Variants in BNC2 observed in about 807,000 individuals in gnomAD.
The protein encoded by BNC2 is zinc finger protein basonuclin-2.
A neutral mutation model predicts 76.3 loss-of-function variants in BNC2; 20 were observed. The observed-to-expected ratio is 0.26, with a 90% CI of 0.18 to 0.38. The LOEUF (loss-of-function observed/expected upper bound fraction) is 0.38, where lower values mean the gene tolerates loss of function less well. Among genes scored for constraint, BNC2 ranks in the 10% least tolerant of loss-of-function variants. The pLI is 1.00. For missense variants in BNC2, 1,382 were observed against 1,399.8 expected, an observed-to-expected ratio of 0.99 and a Z score of 0.20; for synonymous variants, 582 against 514.8, an observed-to-expected ratio of 1.13 and a Z score of -1.77.
At chr9:16,421,807 C>T (rs1799016139) in intron 6 of BNC2, among the ~76,000 whole-genome samples, 1 of 152,190 alleles carries the variant, frequency 6.6e-6, no homozygotes, top group Non-Finnish European at 1.5e-5. Flanking sequence ...ACGCTATGCG[C>T]TATTATTCTA....
intron 1 of BNC2, among the ~76,000 whole-genome samples, chr9:16,869,824 A>C (rs1345485303): frequency 1.3e-5 from 2 of 152,070 alleles, no homozygotes; most frequent in African/African-American, 2.4e-5. Flanking sequence ...CACCACTTGC[A>C]CTTGGAACTT....
chr9:16,546,923 T>TGTATAATTTA (rs1404212025), intron 5 of BNC2, among the ~76,000 whole-genome samples: 1 of 152,210 alleles, frequency 6.6e-6, no homozygotes, highest in African/African-American at 2.4e-5. Flanking sequence ...CTCCTTCCAA[T>TGTATAATTTA]ATTTAATACA....
At chr9:16,612,877 G>C (rs1445445552) in intron 3 of BNC2, among the ~76,000 whole-genome samples, 1 of 152,150 alleles carries the variant, frequency 6.6e-6, no homozygotes, top group Non-Finnish European at 1.5e-5. Context: ...ACCATGTCTT[G>C]TTTTACTTGG....
At chr9:16,636,395 T>C (rs1367224484) in intron 3 of BNC2, among the ~76,000 whole-genome samples, 3 of 152,014 alleles carry the variant, frequency 2.0e-5, no homozygotes, top group Admixed American at 1.3e-4. Context: ...TTCAAACTCC[T>C]GGACTCAAGC....
intron 3 of BNC2, among the ~76,000 whole-genome samples, chr9:16,634,946 T>C (rs1376745684): frequency 1.3e-5 from 2 of 152,202 alleles, no homozygotes; most frequent in South Asian, 2.1e-4. Context: ...TATTCCATTA[T>C]GGACATTGTA....
rs190916623 is a variant in BNC2 at position 16,609,154 on chromosome 9, G to C, written c.331-26069C>G. On this transcript the variant is annotated intron_variant, in intron 3 of 6. Coordinates refer to ENST00000380672, the MANE Select transcript of BNC2 (RefSeq NM_017637.6). The stretch of plus-strand genomic sequence containing the variant: ...AAAGTGCACCCCAGGGGACCTTTCG[G>C]AGCCACTTTTCAAAGGCTCAGAGAG... Among the ~76,000 whole-genome samples the C allele has an allele frequency of 6.1e-4, 93 of 152,222 alleles. 1 individual carries two copies. Among genetic ancestry groups the C allele is most frequent in the Admixed American group, 2.8e-3 (43 of 15,288 alleles).
At chr9:16,790,160 C>A (rs903040361) in intron 1 of BNC2, among the ~76,000 whole-genome samples, 20 of 152,222 alleles carry the variant, frequency 1.3e-4, no homozygotes, top group African/African-American at 4.3e-4. Flanking sequence ...CCATGCCTGG[C>A]TAATTTTTTT....
At chr9:16,769,781 G>T (rs1227734369) in intron 1 of BNC2, among the ~76,000 whole-genome samples, 2 of 152,202 alleles carry the variant, frequency 1.3e-5, no homozygotes, top group Non-Finnish European at 2.9e-5. Context: ...CTGGATAACA[G>T]CAAGCTCTGC....
At chr9:16,775,392 G>A (rs1264927546) in intron 1 of BNC2, among the ~76,000 whole-genome samples, 2 of 49,444 alleles carry the variant, frequency 4.0e-5, no homozygotes, top group Non-Finnish European at 8.2e-5. Flanking sequence ...CACTGATTTC[G>A]TTATTAAAAA....
At chr9:16,751,596 C>A (rs564774347) in intron 1 of BNC2, among the ~76,000 whole-genome samples, 2 of 62,634 alleles carry the variant, frequency 3.2e-5, no homozygotes, top group East Asian at 4.7e-4. Context: ...AGCTGCTGTC[C>A]CCAGCACAAA....
intron 3 of BNC2, among the ~76,000 whole-genome samples, chr9:16,623,278 T>C (rs565260974): frequency 1.3e-5 from 2 of 152,242 alleles, no homozygotes; most frequent in Non-Finnish European, 2.9e-5. Context: ...ACTTAAAAAC[T>C]AGGAGAGAGA....
intron 1 of BNC2, among the ~76,000 whole-genome samples, chr9:16,779,130 A>AAAAAAAAAAAAAG (rs556932807): frequency 1.3e-4 from 11 of 87,614 alleles, no homozygotes; most frequent in Non-Finnish European, 2.0e-4. Flanking sequence ...AAAAAAAAAA[A>AAAAAAAAAAAAAG]AAAAGAAAAG....
chr9:16,853,294 C>CAGCT lies in BNC2; in HGVS notation c.3+17351_3+17352insAGCT, dbSNP rs1246365040. Among the ~76,000 whole-genome samples, 30 of 35,008 alleles carry CAGCT rather than the reference C, an allele frequency of 8.6e-4. No individual in the cohort carries two copies. In the East Asian group the frequency reaches 0.38, roughly 442 times the overall value. 23.0% of individuals were successfully genotyped at this position (35,008 alleles called of 152,430 possible). On this transcript the variant is annotated intron_variant, in intron 1 of 6. Transcript: ENST00000380672. ...CCGTGGTGGCATGCAGCTGTAGGCCCAGTTAGGAGGCTAAGGTGGAGGATC... is the reference window on the plus strand; with the variant it reads ...CCGTGGTGGCATGCAGCTGTAGGCCCAGCTAGTTAGGAGGCTAAGGTGGAGGATC...
chr9:16,435,451 C>A, intron 6 of BNC2, 104 bp downstream of exon 6: 1 of 1,367,236 alleles, frequency 7.3e-7, no homozygotes, highest in Non-Finnish European at 1.0e-6. Flanking sequence ...CTTTACAGTG[C>A]ACCAAAAACA....
intron 5 of BNC2, among the ~76,000 whole-genome samples, chr9:16,487,141 A>G (rs1210763802): frequency 1.3e-5 from 2 of 152,376 alleles, no homozygotes; most frequent in East Asian, 3.9e-4. Context: ...AAGGCAAGAC[A>G]GTAAGCCTGG....
intron 1 of BNC2, among the ~76,000 whole-genome samples, chr9:16,830,682 C>T (rs1224517016): frequency 5.3e-5 from 8 of 152,272 alleles, no homozygotes; most frequent in Admixed American, 2.0e-4. Flanking sequence ...TATCTAAGTA[C>T]ATTTTTCTCC....
At position 16,414,488 on chromosome 9, in the gene BNC2, G is replaced by C. The variant is rs1181006898; in HGVS notation, c.*4501C>G. 6.6e-6 allele frequency: 1 copy of C among 152,152 alleles called. No homozygotes were observed. Among genetic ancestry groups the C allele is most frequent in the Non-Finnish European group, 1.5e-5 (1 of 68,026 alleles). The allele number at this position is 152,152 out of a possible 1,614,324, so 9.4% of individuals were successfully genotyped here. A position where few individuals can be genotyped will look rare whatever the true frequency, so the allele number is the denominator to read the frequency against. On this transcript the variant is annotated 3_prime_UTR_variant, in exon 7 of 7. Coordinates refer to ENST00000380672, the MANE Select transcript of BNC2 (RefSeq NM_017637.6). ...ACTTCAAGTTTGGGAGAAGATAAGTGATTTTAAAGAATGAAATTCGTTTGT... is the reference window on the plus strand; with the variant it reads ...ACTTCAAGTTTGGGAGAAGATAAGTCATTTTAAAGAATGAAATTCGTTTGT...
chr9:16,496,509 T>C (rs148470516), intron 5 of BNC2, among the ~76,000 whole-genome samples: 3 of 152,376 alleles, frequency 2.0e-5, no homozygotes, highest in Non-Finnish European at 4.4e-5. Flanking sequence ...TGATATTTTA[T>C]GATACAACTG....
At chr9:16,510,364 T>C (rs2131904301) in intron 5 of BNC2, among the ~76,000 whole-genome samples, 1 of 152,282 alleles carries the variant, frequency 6.6e-6, no homozygotes, top group East Asian at 1.9e-4. Context: ...TCCTACTTCG[T>C]CATGAAAAGA....
Sources: allele counts gnomAD v4.1 joint callset (sites outside exome capture counted in the v4.1 genomes callset), GRCh38; gene constraint gnomAD v4.1.1; transcripts MANE v1.5; gene names NCBI Gene and HGNC (gene_info 2026-07-23, HGNC 2026-07-21).